The following TRAM2 variants were observed in gnomAD, a reference collection of about 807,000 sequenced individuals.
TRAM2 encodes translocating chain-associated membrane protein 2.
TRAM2 carries 12 observed loss-of-function variants against 51.0 expected under a neutral mutation model. The ratio of observed to expected loss-of-function variants is 0.24; its 90% CI spans 0.15 to 0.38. The LOEUF is 0.38. Ranked by LOEUF, TRAM2 falls within the 10% of genes least tolerant of loss-of-function variation. The pLI is 1.00. For missense variants in TRAM2, 361 were observed against 462.0 expected, an observed-to-expected ratio of 0.78 and a Z score of 2.00; for synonymous variants, 175 against 179.4, an observed-to-expected ratio of 0.98 and a Z score of 0.20.
chr6:52,529,582 C>G (rs976360902), intron 2 of TRAM2: 8 of 152,304 alleles, frequency 5.3e-5, no homozygotes, highest in African/African-American at 1.9e-4. Context: ...TACGGAAAAT[C>G]TGAGTAGCAA....
intron 2 of TRAM2, among the ~76,000 whole-genome samples, chr6:52,525,350 C>T (rs576996890): frequency 3.9e-5 from 6 of 152,360 alleles, no homozygotes; most frequent in Admixed American, 3.3e-4. Context: ...CCAAGGGCAG[C>T]ATTGTCCCCA....
chr6:52,505,866 G>A (rs1766338538), intron 8 of TRAM2, 124 bp from the exon 9 acceptor site: 1 of 1,425,542 alleles, frequency 7.0e-7, no homozygotes, highest in Non-Finnish European at 9.5e-7. Flanking sequence ...AGTGCTTGAG[G>A]GACGAGATAT....
chr6:52,553,157 T>C (rs947125415), intron 1 of TRAM2, among the ~76,000 whole-genome samples: 20 of 152,224 alleles, frequency 1.3e-4, no homozygotes, highest in Non-Finnish European at 2.9e-5. Context: ...TGTCTAACTC[T>C]TTAATCTGGC....
chr6:52,557,594 A>G (rs775286011), intron 1 of TRAM2, among the ~76,000 whole-genome samples: 1 of 152,232 alleles, frequency 6.6e-6, no homozygotes, highest in South Asian at 2.1e-4. Context: ...CACCGTATTT[A>G]TAAGCCCCAT....
chr6:52,531,848 CCTAT>C, intron 2 of TRAM2, among the ~76,000 whole-genome samples: 1 of 151,628 alleles, frequency 6.6e-6, no homozygotes, highest in African/African-American at 2.4e-5. Flanking sequence ...TTGTTTATTA[CCTAT>C]CTCTCTCTAA....
intron 2 of TRAM2, among the ~76,000 whole-genome samples, chr6:52,530,564 G>A (rs1425932301): frequency 2.0e-5 from 3 of 152,124 alleles, no homozygotes; most frequent in Non-Finnish European, 2.9e-5. Flanking sequence ...AATCCAATAC[G>A]ACTGTGTCCT....
chr6:52,571,457 G>A lies in TRAM2; in HGVS notation c.120+5339C>T, dbSNP rs188455558. Among the ~76,000 whole-genome samples the A allele has an allele frequency of 1.2e-3, 178 of 152,300 alleles. 2 individuals carry two copies. The highest frequency in any genetic ancestry group is 3.4e-3 in the African/African-American group (143 of 41,566). ...GGTCCGGACAGCGCCCTCGAGAAAC[G>A]AGTGACTGAGGGTTCAGACAACAGA... is the stretch of plus-strand genomic sequence containing the variant. On this transcript the variant is annotated intron_variant, in intron 1 of 10. Coordinates refer to ENST00000182527, the MANE Select transcript of TRAM2 (RefSeq NM_012288.4).
At chr6:52,540,630 G>A (rs995018785) in intron 1 of TRAM2, among the ~76,000 whole-genome samples, 15 of 152,100 alleles carry the variant, frequency 9.9e-5, no homozygotes, top group Admixed American at 5.2e-4. Context: ...ACCCTCTCCC[G>A]ACCTCAGACT....
At chr6:52,519,248 C>A (rs1766617729) in intron 2 of TRAM2, among the ~76,000 whole-genome samples, 1 of 152,208 alleles carries the variant, frequency 6.6e-6, no homozygotes, top group Non-Finnish European at 1.5e-5. Context: ...TACACTTAAA[C>A]ACCAGCAGCC....
intron 1 of TRAM2, among the ~76,000 whole-genome samples, chr6:52,567,465 G>A (rs1179036931): frequency 1.3e-5 from 2 of 152,202 alleles, no homozygotes; most frequent in African/African-American, 4.8e-5. Context: ...AAAACTCAAT[G>A]GCCAAATGGT....
chr6:52,534,853 G>A (rs1766951733), intron 2 of TRAM2, among the ~76,000 whole-genome samples: 1 of 152,156 alleles, frequency 6.6e-6, no homozygotes, highest in South Asian at 2.1e-4. Context: ...TCCTTGAGCT[G>A]TAGCCCCTCA....
intron 4 of TRAM2, among the ~76,000 whole-genome samples, chr6:52,515,691 G>A (rs538442562): frequency 7.9e-5 from 12 of 152,306 alleles, no homozygotes; most frequent in Non-Finnish European, 1.5e-4. Context: ...TTGTAGAAGA[G>A]CCTTGTAAAA....
In TRAM2 at chr6:52,537,494, G is replaced by A. The variant is rs560911907; in HGVS notation, c.121-1648C>T. On this transcript the variant is annotated intron_variant, in intron 1 of 10. Transcript: ENST00000182527. ...CTATACCCACCACCACACACACACA[G>A]CTCTCCTGATTAGAATCTCACACAT... Among the ~76,000 whole-genome samples, 17 of 152,032 alleles carry A rather than the reference G, an allele frequency of 1.1e-4. No homozygotes were observed. The East Asian group carries it at 1.9e-3, about 17-fold the overall frequency.
intron 1 of TRAM2, among the ~76,000 whole-genome samples, chr6:52,548,704 C>A (rs1363307463): frequency 6.6e-6 from 1 of 152,190 alleles, no homozygotes; most frequent in Non-Finnish European, 1.5e-5. Context: ...CACCATGCTA[C>A]CTGAACGATG....
In TRAM2 at chr6:52,576,843, T is replaced by C; in HGVS notation, c.73A>G (p.Ile25Val). The change falls in exon 1 of 11, where the codon ATC (isoleucine) becomes GTC (valine). Residue 25 changes from isoleucine (I) to valine (V), a missense_variant. Coordinates refer to ENST00000182527, the MANE Select transcript of TRAM2 (RefSeq NM_012288.4). ...QEFVIHNHAD[I>V]GFCLVLCVLI... ...ACGCAGAGCACCAGGCAGAAGCCGA[T>C]GTCCGCATGGTTGTGGATGACGAAC... The C allele has an allele frequency of 6.2e-7, 1 of 1,613,900 alleles. No homozygotes were observed. The highest frequency in any genetic ancestry group is 8.5e-7 in the Non-Finnish European group (1 of 1,179,870).
At chr6:52,537,104 CA>C (rs1237778359) in intron 1 of TRAM2, among the ~76,000 whole-genome samples, 2 of 152,320 alleles carry the variant, frequency 1.3e-5, no homozygotes, top group East Asian at 3.9e-4. Context: ...CCCTGGTCAA[CA>C]AGACCCATCC....
At position 52,500,633 on chromosome 6, in the gene TRAM2, G is replaced by A. The variant is rs1562472063; in HGVS notation, c.*2564C>T. 6.6e-6 allele frequency: 1 copy of A among 152,274 alleles called. No homozygotes were observed. The highest frequency in any genetic ancestry group is 1.5e-5 in the Non-Finnish European group (1 of 68,084). 9.4% of individuals were successfully genotyped at this position (152,274 alleles called of 1,614,324 possible). On this transcript the variant is annotated 3_prime_UTR_variant, in exon 11 of 11. Coordinates refer to ENST00000182527, the MANE Select transcript of TRAM2 (RefSeq NM_012288.4). The stretch of plus-strand genomic sequence containing the variant: ...ACTGGGCTGGTGGGACCACATCCAA[G>A]GCATGAAGTACTGGCAGCACGGGGA...
intron 5 of TRAM2, among the ~76,000 whole-genome samples, 169 bp downstream of exon 5, chr6:52,509,359 A>G (rs889363715): frequency 1.3e-5 from 2 of 152,226 alleles, no homozygotes; most frequent in Non-Finnish European, 2.9e-5. Flanking sequence ...CTGGTCAAGC[A>G]TGCTGAGAAG....
intron 1 of TRAM2, among the ~76,000 whole-genome samples, chr6:52,566,916 A>G (rs1023305894): frequency 2.6e-5 from 4 of 152,214 alleles, no homozygotes; most frequent in Admixed American, 2.6e-4. Flanking sequence ...TGGCAGCTCA[A>G]CTGGGGTAGT....
Sources: gnomAD v4.1 joint callset for allele counts (sites outside exome capture counted in the v4.1 genomes callset) on GRCh38, gnomAD v4.1.1 for gene constraint, MANE v1.5 for transcripts, NCBI Gene and HGNC (gene_info 2026-07-23, HGNC 2026-07-21) for gene names.